RUNX1: variants seen among roughly 807,000 people sequenced by gnomAD.
The protein encoded by RUNX1 is runt-related transcription factor 1.
A neutral mutation model predicts 42.8 loss-of-function variants in RUNX1; 19 were observed. That is an observed-to-expected ratio of 0.44 (90% CI 0.31 to 0.65). RUNX1 has a LOEUF of 0.65. Among genes scored for constraint, RUNX1 ranks in the 30% least tolerant of loss-of-function variants. The probability of loss-of-function intolerance (pLI) is 0.07; values close to 1 mark genes in which losing one functional copy is unlikely to be tolerated. For synonymous variants in RUNX1, 271 were observed against 289.4 expected, an observed-to-expected ratio of 0.94 and a Z score of 0.64; for missense variants, 528 against 672.0, an observed-to-expected ratio of 0.79 and a Z score of 2.37.
intron 5 of RUNX1, among the ~76,000 whole-genome samples, chr21:34,868,428 G>A (rs1379466075): frequency 1.3e-5 from 2 of 152,078 alleles, no homozygotes; most frequent in Admixed American, 6.6e-5. Flanking sequence ...AATTCCCAAC[G>A]TGGATGTTAA....
intron 3 of RUNX1, among the ~76,000 whole-genome samples, chr21:34,890,423 G>A (rs965299955): frequency 3.9e-5 from 6 of 152,282 alleles, no homozygotes; most frequent in Admixed American, 3.9e-4. Context: ...AGTCGCAGCC[G>A]GCCAGGTGGG....
At chr21:35,033,636 A>G (rs2059288161) in intron 2 of RUNX1, among the ~76,000 whole-genome samples, 1 of 152,242 alleles carries the variant, frequency 6.6e-6, no homozygotes, top group Non-Finnish European at 1.5e-5. Context: ...AGTTGTTCAA[A>G]TAAGCATGGA....
intron 8 of RUNX1, among the ~76,000 whole-genome samples, chr21:34,796,845 T>G (rs1257657011): frequency 6.6e-6 from 1 of 152,194 alleles, no homozygotes; most frequent in Non-Finnish European, 1.5e-5. Flanking sequence ...ACAACTCTTT[T>G]CAGACAAGGT....
At chr21:34,902,750 A>G (rs2146492123) in intron 2 of RUNX1, among the ~76,000 whole-genome samples, 1 of 152,304 alleles carries the variant, frequency 6.6e-6, no homozygotes, top group East Asian at 1.9e-4. Context: ...TTAGTTACTT[A>G]CCTTGCCCCA....
chr21:35,044,761 C>T (rs547916563), intron 2 of RUNX1, among the ~76,000 whole-genome samples: 66 of 152,324 alleles, frequency 4.3e-4, no homozygotes, highest in African/African-American at 1.5e-3. Context: ...AGCATCTCAC[C>T]AGGCTTGATT....
chr21:34,982,603 T>C (rs559494785), intron 2 of RUNX1, among the ~76,000 whole-genome samples: 1 of 152,222 alleles, frequency 6.6e-6, no homozygotes, highest in Non-Finnish European at 1.5e-5. Flanking sequence ...GGAGTCTCAC[T>C]CTGTCACCCA....
chr21:35,048,932 G>A lies in RUNX1; in HGVS notation c.-33C>T. ...TCCTGAAAATGCACCCTCTTCTGAAGGCGGGGGACTCAATGATTTCTTTTA... is the reference window on the plus strand; with the variant it reads ...TCCTGAAAATGCACCCTCTTCTGAAAGCGGGGGACTCAATGATTTCTTTTA... On this transcript the variant is annotated 5_prime_UTR_variant, in exon 2 of 9. Coordinates refer to ENST00000675419, the MANE Select transcript of RUNX1 (RefSeq NM_001754.5). 6.2e-7 allele frequency: 1 copy of A among 1,600,350 alleles called. No individual in the cohort carries two copies. Among genetic ancestry groups the A allele is most frequent in the African/African-American group, 1.3e-5 (1 of 74,708 alleles).
chr21:34,944,341 C>T (rs2058549123), intron 2 of RUNX1, among the ~76,000 whole-genome samples: 1 of 152,108 alleles, frequency 6.6e-6, no homozygotes, highest in South Asian at 2.1e-4. Context: ...GTTTCTCACT[C>T]GTACTAAACA....
At chr21:34,923,442 G>T (rs981859769) in intron 2 of RUNX1, among the ~76,000 whole-genome samples, 1 of 152,162 alleles carries the variant, frequency 6.6e-6, no homozygotes, top group Non-Finnish European at 1.5e-5. Flanking sequence ...TTTTTAAGTT[G>T]TGACGTCATG....
At chr21:35,037,794 T>G (rs2059319934) in intron 2 of RUNX1, among the ~76,000 whole-genome samples, 1 of 152,250 alleles carries the variant, frequency 6.6e-6, no homozygotes, top group Non-Finnish European at 1.5e-5. Context: ...GCAAGTGCCT[T>G]GCGCATAGCA....
At chr21:34,931,507 G>A (rs559969510) in intron 2 of RUNX1, among the ~76,000 whole-genome samples, 1 of 144,674 alleles carries the variant, frequency 6.9e-6, no homozygotes, top group South Asian at 2.1e-4. Context: ...TTATGCACAT[G>A]TATATGTATT....
At chr21:34,964,703 AT>A (rs1180976961) in intron 2 of RUNX1, among the ~76,000 whole-genome samples, 1 of 152,186 alleles carries the variant, frequency 6.6e-6, no homozygotes, top group Non-Finnish European at 1.5e-5. Flanking sequence ...GAAAAGTAGT[AT>A]GATGGTTTCT....
intron 2 of RUNX1, among the ~76,000 whole-genome samples, chr21:35,044,034 C>A (rs933472984): frequency 2.4e-4 from 37 of 152,318 alleles, no homozygotes; most frequent in African/African-American, 8.4e-4. Flanking sequence ...AGCATGACAT[C>A]CTGCCCCAAC....
intron 2 of RUNX1, among the ~76,000 whole-genome samples, chr21:35,001,493 A>T (rs11702508): frequency 0.084 from 12,710 of 152,174 alleles, 638 homozygotes; most frequent in Middle Eastern, 0.12. Context: ...GAGTAGAAGA[A>T]AACTTCAACA....
At chr21:35,005,940 CT>C (rs1363390521) in intron 2 of RUNX1, among the ~76,000 whole-genome samples, 1 of 152,182 alleles carries the variant, frequency 6.6e-6, no homozygotes, top group Admixed American at 6.5e-5. Context: ...AGTACGTCCA[CT>C]CCAGCTGGAA....
chr21:34,869,317 G>A (rs762684402), intron 5 of RUNX1, among the ~76,000 whole-genome samples: 46 of 152,290 alleles, frequency 3.0e-4, no homozygotes, highest in Middle Eastern at 3.4e-3. Context: ...AGTCATAGAT[G>A]AAAGGCACTC....
chr21:34,972,399 T>A (rs1463381168), intron 2 of RUNX1, among the ~76,000 whole-genome samples: 1 of 152,204 alleles, frequency 6.6e-6, no homozygotes, highest in Non-Finnish European at 1.5e-5. Context: ...ATCTCTGGCC[T>A]CATGTGTCCA....
At chr21:34,971,220 A>C (rs1307376590) in intron 2 of RUNX1, among the ~76,000 whole-genome samples, 1 of 152,182 alleles carries the variant, frequency 6.6e-6, no homozygotes, top group East Asian at 1.9e-4. Flanking sequence ...GTTCTTTTTT[A>C]TCAAAGAAGA....
At chr21:35,037,384 T>C (rs1242873051) in intron 2 of RUNX1, among the ~76,000 whole-genome samples, 1 of 152,158 alleles carries the variant, frequency 6.6e-6, no homozygotes, top group Non-Finnish European at 1.5e-5. Flanking sequence ...TGGATACCAG[T>C]GGTGGGGCCA....
Sources: allele counts gnomAD v4.1 joint callset (sites outside exome capture counted in the v4.1 genomes callset), GRCh38; gene constraint gnomAD v4.1.1; transcripts MANE v1.5; gene names NCBI Gene and HGNC (gene_info 2026-07-23, HGNC 2026-07-21).